Variants in RFX3 observed in about 807,000 individuals in gnomAD.
The protein encoded by RFX3 is regulatory factor X3, also known as transcription factor RFX3.
RFX3 carries 14 observed loss-of-function variants against 98.6 expected under a neutral mutation model. That is an observed-to-expected ratio of 0.14 (90% CI 0.09 to 0.22). The LOEUF (loss-of-function observed/expected upper bound fraction) is 0.22, where lower values mean the gene tolerates loss of function less well. Ranked by LOEUF, RFX3 falls within the 10% of genes least tolerant of loss-of-function variation. The probability of loss-of-function intolerance (pLI) is 1.00; values close to 1 mark genes in which losing one functional copy is unlikely to be tolerated. For missense variants in RFX3, 639 were observed against 926.9 expected, an observed-to-expected ratio of 0.69 and a Z score of 4.03; for synonymous variants, 383 against 328.4, an observed-to-expected ratio of 1.17 and a Z score of -1.80.
At chr9:3,511,218 C>T (rs1228172007) in intron 1 of RFX3, among the ~76,000 whole-genome samples, 2 of 151,940 alleles carry the variant, frequency 1.3e-5, no homozygotes, top group African/African-American at 2.4e-5. Flanking sequence ...AACAAGGAAA[C>T]ATCAGCTTTT....
rs561443765 is a variant in RFX3, at chr9:3,480,462, A to T, written c.-9+45285T>A. On this transcript the variant is annotated intron_variant, in intron 1 of 16. Transcript: ENST00000617270. ...CCTTTGCATTCTCTTTGTTAAAACA[A>T]GCTACAGGCCCAACCCAAACTGAAA... 1.2e-4 allele frequency among the ~76,000 whole-genome samples: 19 copies of T among 152,320 alleles called. No homozygotes were observed. The South Asian group carries it at 3.7e-3, about 30-fold the overall frequency.
At position 3,302,056 on chromosome 9, in the gene RFX3, GCATT is replaced by G. The variant is rs1828730242; in HGVS notation, c.475-440_475-437del. 2.6e-5 allele frequency among the ~76,000 whole-genome samples: 4 copies of G among 151,830 alleles called. No homozygotes were observed. In the South Asian group the frequency reaches 8.3e-4, roughly 31 times the overall value. On this transcript the variant is annotated intron_variant, in intron 4 of 16. Transcript: ENST00000617270. Reference sequence around the variant, plus strand: ...ATACCGCAGATTTTGAGTTTAATATGCATTAATATTTTAATGCAAATGAACAAAG... The same window carrying G: ...ATACCGCAGATTTTGAGTTTAATATGAATATTTTAATGCAAATGAACAAAG...
chr9:3,314,580 A>G (rs750749147), intron 4 of RFX3, among the ~76,000 whole-genome samples: 1 of 152,236 alleles, frequency 6.6e-6, no homozygotes, highest in Non-Finnish European at 1.5e-5. Context: ...AGACTGGCAA[A>G]TTGGATAAAG....
chr9:3,316,559 T>G (rs1397883951), intron 4 of RFX3, among the ~76,000 whole-genome samples: 2 of 152,208 alleles, frequency 1.3e-5, no homozygotes, highest in Admixed American at 1.3e-4. Context: ...TAAAGAGTAT[T>G]CAATTAGGAA....
At chr9:3,399,158 G>C (rs1841220255) in intron 1 of RFX3, among the ~76,000 whole-genome samples, 1 of 151,822 alleles carries the variant, frequency 6.6e-6, no homozygotes, top group Non-Finnish European at 1.5e-5. Flanking sequence ...TTCCAGGCCG[G>C]GCACAGTGGT....
intron 2 of RFX3, among the ~76,000 whole-genome samples, chr9:3,351,114 A>G (rs553487044): frequency 8.6e-5 from 13 of 152,022 alleles, no homozygotes; most frequent in Non-Finnish European, 1.5e-4. Context: ...TGATGTGTCA[A>G]TGTAGGTTCA....
intron 4 of RFX3, among the ~76,000 whole-genome samples, chr9:3,322,597 G>A (rs1043244684): frequency 1.7e-4 from 26 of 152,054 alleles, no homozygotes; most frequent in African/African-American, 6.0e-4. Flanking sequence ...GCTGGGTTTG[G>A]TGGCAGGTAC....
chr9:3,483,314 T>A (rs1055521854), intron 1 of RFX3, among the ~76,000 whole-genome samples: 1 of 152,176 alleles, frequency 6.6e-6, no homozygotes, highest in Non-Finnish European at 1.5e-5. Context: ...CAACATGGGG[T>A]ACCCCACCAA....
At chr9:3,274,419 G>C (rs1824929967) in intron 9 of RFX3, among the ~76,000 whole-genome samples, 2 of 152,132 alleles carry the variant, frequency 1.3e-5, no homozygotes, top group African/African-American at 4.8e-5. Flanking sequence ...TCTTTCAAAA[G>C]AAGCACTCAA....
chr9:3,482,353 A>T lies in RFX3; in HGVS notation c.-9+43394T>A, dbSNP rs1849845401. 2.0e-5 allele frequency among the ~76,000 whole-genome samples: 3 copies of T among 152,078 alleles called. No homozygotes were observed. In the South Asian group the frequency reaches 6.2e-4, roughly 31 times the overall value. On this transcript the variant is annotated intron_variant, in intron 1 of 16. Coordinates refer to ENST00000617270, the MANE Select transcript of RFX3 (RefSeq NM_001282116.2). Reference sequence around the variant, plus strand: ...AGAGTGAGCACATATGCACTCACGGAGAAATCCCGAGAAGACATGACAATA... The same window carrying T: ...AGAGTGAGCACATATGCACTCACGGTGAAATCCCGAGAAGACATGACAATA...
intron 1 of RFX3, among the ~76,000 whole-genome samples, chr9:3,398,235 G>A (rs1429718937): frequency 6.6e-6 from 1 of 151,908 alleles, no homozygotes; most frequent in Admixed American, 6.6e-5. Flanking sequence ...CTTGCCTAAC[G>A]AGTATTACTA....
chr9:3,253,648 T>G (rs1227582199), intron 14 of RFX3, among the ~76,000 whole-genome samples: 1 of 152,202 alleles, frequency 6.6e-6, no homozygotes, highest in Non-Finnish European at 1.5e-5. Context: ...TTTGTAGCGC[T>G]GTATCAACTG....
At chr9:3,395,203 A>G (rs759087907) in intron 2 of RFX3, among the ~76,000 whole-genome samples, 1 of 152,236 alleles carries the variant, frequency 6.6e-6, no homozygotes. Flanking sequence ...TCATATCAGA[A>G]AAAATAACTT....
chr9:3,320,717 T>A (rs1011664148), intron 4 of RFX3, among the ~76,000 whole-genome samples: 2 of 141,588 alleles, frequency 1.4e-5, no homozygotes, highest in African/African-American at 5.4e-5. Flanking sequence ...TATATATACA[T>A]ACATACACAC....
intron 2 of RFX3, among the ~76,000 whole-genome samples, chr9:3,381,153 C>A (rs1444276454): frequency 1.3e-5 from 2 of 151,894 alleles, no homozygotes; most frequent in African/African-American, 4.8e-5. Flanking sequence ...AACCCATAGG[C>A]AACAAACCCT....
At chr9:3,341,669 T>C (rs1833904603) in intron 3 of RFX3, among the ~76,000 whole-genome samples, 2 of 152,176 alleles carry the variant, frequency 1.3e-5, no homozygotes, top group African/African-American at 2.4e-5. Flanking sequence ...TCATGGGCCA[T>C]TGTTTTAGGT....
chr9:3,304,689 T>C (rs1829070522), intron 4 of RFX3, among the ~76,000 whole-genome samples: 2 of 152,054 alleles, frequency 1.3e-5, no homozygotes, highest in Non-Finnish European at 2.9e-5. Flanking sequence ...CATTCTCTCT[T>C]GCCTGCTGCC....
At chr9:3,363,037 T>C (rs1836638016) in intron 2 of RFX3, among the ~76,000 whole-genome samples, 1 of 152,224 alleles carries the variant, frequency 6.6e-6, no homozygotes, top group Non-Finnish European at 1.5e-5. Flanking sequence ...TAGCATTTTA[T>C]CAGGATTATA....
Position 3,358,129 on chromosome 9 carries a change from A to T in RFX3, c.118-11365T>A, listed in dbSNP as rs183238942. On this transcript the variant is annotated intron_variant, in intron 2 of 16. Transcript: ENST00000617270. ...GGGTCGTCAGTTATTTCTTTAAGCA[A>T]TGATTTCCTTGTGTATAAAATAAAA... Among the ~76,000 whole-genome samples, 610 of 152,248 alleles carry T rather than the reference A, an allele frequency of 4.0e-3. 3 individuals are homozygous for T. Among genetic ancestry groups the T allele is most frequent in the Admixed American group, 0.01 (157 of 15,274 alleles).
Sources: gnomAD v4.1 joint callset for allele counts (sites outside exome capture counted in the v4.1 genomes callset) on GRCh38, gnomAD v4.1.1 for gene constraint, MANE v1.5 for transcripts, NCBI Gene and HGNC (gene_info 2026-07-23, HGNC 2026-07-21) for gene names.